CDH12: variants seen among roughly 807,000 people sequenced by gnomAD.
CDH12 encodes the protein cadherin-12.
A neutral mutation model predicts 74.1 loss-of-function variants in CDH12; 41 were observed. That is an observed-to-expected ratio of 0.55 (90% CI 0.43 to 0.72). The LOEUF (loss-of-function observed/expected upper bound fraction) is 0.72, where lower values mean the gene tolerates loss of function less well. Among genes scored for constraint, CDH12 ranks in the 30% least tolerant of loss-of-function variants. The pLI is 0.00. For missense variants in CDH12, 945 were observed against 977.2 expected, an observed-to-expected ratio of 0.97 and a Z score of 0.44; for synonymous variants, 399 against 355.0, an observed-to-expected ratio of 1.12 and a Z score of -1.39.
chr5:22,097,475 G>A (rs1743856756), intron 4 of CDH12, among the ~76,000 whole-genome samples: 1 of 152,110 alleles, frequency 6.6e-6, no homozygotes, highest in Non-Finnish European at 1.5e-5. Context: ...CTCCATAAAT[G>A]TGGTAGGTAT....
chr5:21,929,818 A>G (rs934160059), intron 6 of CDH12, among the ~76,000 whole-genome samples: 3 of 152,010 alleles, frequency 2.0e-5, no homozygotes, highest in Non-Finnish European at 4.4e-5. Flanking sequence ...AGTGTCCAGC[A>G]ATAAGATATT....
At chr5:22,798,796 G>A (rs1748360536) in intron 1 of CDH12, among the ~76,000 whole-genome samples, 1 of 151,848 alleles carries the variant, frequency 6.6e-6, no homozygotes, top group African/African-American at 2.4e-5. Context: ...TTATTTTTTA[G>A]TAAAAAATGT....
At chr5:22,684,804 T>C (rs1417447225) in intron 1 of CDH12, among the ~76,000 whole-genome samples, 2 of 152,192 alleles carry the variant, frequency 1.3e-5, no homozygotes, top group Non-Finnish European at 2.9e-5. Flanking sequence ...TACACACAGA[T>C]CACTTGAGTC....
At chr5:21,773,694 A>G (rs2149886569) in intron 11 of CDH12, among the ~76,000 whole-genome samples, 1 of 152,260 alleles carries the variant, frequency 6.6e-6, no homozygotes, top group East Asian at 1.9e-4. Flanking sequence ...AATTATCTTA[A>G]TAAACTCCCC....
At chr5:22,443,716 T>A (rs1277772013) in intron 2 of CDH12, among the ~76,000 whole-genome samples, 1 of 152,132 alleles carries the variant, frequency 6.6e-6, no homozygotes, top group Non-Finnish European at 1.5e-5. Flanking sequence ...GCAACCTGAT[T>A]AAAACAAGTT....
chr5:21,781,724 C>CAAA (rs10656219), intron 11 of CDH12, among the ~76,000 whole-genome samples: 12 of 144,642 alleles, frequency 8.3e-5, no homozygotes, highest in East Asian at 2.0e-4. Context: ...ACTATTATCT[C>CAAA]AAAAAAAAAA....
chr5:22,742,038 G>C (rs1200224820), intron 1 of CDH12, among the ~76,000 whole-genome samples: 1 of 151,962 alleles, frequency 6.6e-6, no homozygotes, highest in Non-Finnish European at 1.5e-5. Flanking sequence ...AAAGGTAGCT[G>C]GGCATGATGG....
chr5:22,580,640 C>T, intron 1 of CDH12: 1 of 465,434 alleles, frequency 2.1e-6, no homozygotes, highest in Non-Finnish European at 4.4e-6. Context: ...CTACTGACCA[C>T]AAAATAGGCA....
At chr5:21,920,639 T>C (rs1754307555) in intron 6 of CDH12, among the ~76,000 whole-genome samples, 1 of 111,700 alleles carries the variant, frequency 9.0e-6, no homozygotes, top group Admixed American at 9.5e-5. Context: ...AACCTGCACA[T>C]TCTGCACATG....
chr5:22,540,182 T>C (rs1738037667), intron 1 of CDH12, among the ~76,000 whole-genome samples: 1 of 152,110 alleles, frequency 6.6e-6, no homozygotes, highest in African/African-American at 2.4e-5. Context: ...AATTGAGGGA[T>C]AAATATATTC....
At chr5:22,255,238 T>C (rs1243601748) in intron 3 of CDH12, among the ~76,000 whole-genome samples, 1 of 151,858 alleles carries the variant, frequency 6.6e-6, no homozygotes, top group African/African-American at 2.4e-5. Context: ...TGAAGACAAA[T>C]ACTTTAACCT....
intron 1 of CDH12, among the ~76,000 whole-genome samples, chr5:22,546,534 G>A (rs141600764): frequency 1.3e-5 from 2 of 152,230 alleles, no homozygotes; most frequent in East Asian, 3.9e-4. Context: ...GTAAAATGCT[G>A]TGAGACCTTG....
At chr5:22,566,390 A>C (rs1739284680) in intron 1 of CDH12, among the ~76,000 whole-genome samples, 1 of 151,892 alleles carries the variant, frequency 6.6e-6, no homozygotes, top group South Asian at 2.1e-4. Context: ...GGCATGCACC[A>C]CCAAGCTCAG....
At chr5:22,580,160 G>A (rs1478622439) in intron 1 of CDH12, 4 of 277,250 alleles carry the variant, frequency 1.4e-5, no homozygotes, top group Non-Finnish European at 2.9e-5. Context: ...TGACAAGGAA[G>A]AGGATCCAGA....
Position 22,138,844 on chromosome 5 carries a change from TAATATA to T in CDH12, c.-186-59988_-186-59983del, listed in dbSNP as rs1332312879. On this transcript the variant is annotated intron_variant, in intron 4 of 14. Coordinates refer to ENST00000382254, the MANE Select transcript of CDH12 (RefSeq NM_004061.5). The stretch of plus-strand genomic sequence containing the variant: ...GAATATATATGTGTACATATATACG[TAATATA>T]TATATATATATATATATATATATAT... 6.5e-3 allele frequency among the ~76,000 whole-genome samples: 276 copies of T among 42,580 alleles called. 4 individuals are homozygous for T. Among genetic ancestry groups the T allele is most frequent in the African/African-American group, 0.024 (271 of 11,088 alleles). The allele number at this position is 42,580 out of a possible 152,430, so 27.9% of individuals were successfully genotyped here.
At chr5:22,591,938 A>T (rs1736348106) in intron 1 of CDH12, among the ~76,000 whole-genome samples, 1 of 151,146 alleles carries the variant, frequency 6.6e-6, no homozygotes, top group Non-Finnish European at 1.5e-5. Flanking sequence ...ATATCATTTA[A>T]CAAGTTATTT....
chr5:21,793,148 A>G (rs796937896), intron 10 of CDH12, among the ~76,000 whole-genome samples: 13 of 151,786 alleles, frequency 8.6e-5, no homozygotes, highest in Admixed American at 2.6e-4. Flanking sequence ...TGCTTTGCTC[A>G]TGTTCTCCCC....
intron 1 of CDH12, among the ~76,000 whole-genome samples, chr5:22,799,484 T>C (rs1175483620): frequency 3.9e-5 from 6 of 152,196 alleles, no homozygotes; most frequent in African/African-American, 1.4e-4. Flanking sequence ...TATTAACTTG[T>C]TAGAGTTAAT....
At chr5:22,037,373 T>C (rs115979093) in intron 5 of CDH12, among the ~76,000 whole-genome samples, 4,108 of 152,234 alleles carry the variant, frequency 0.027, 184 homozygotes, top group African/African-American at 0.093. Context: ...CAGAATGATA[T>C]AGCCTGGGAA....
Sources: gnomAD v4.1 joint callset for allele counts (sites outside exome capture counted in the v4.1 genomes callset) on GRCh38, gnomAD v4.1.1 for gene constraint, MANE v1.5 for transcripts, NCBI Gene and HGNC (gene_info 2026-07-23, HGNC 2026-07-21) for gene names.